The following MTA3 variants were observed in gnomAD, a reference collection of about 807,000 sequenced individuals.
MTA3 encodes the protein metastasis-associated protein MTA3.
Under a neutral mutation model 83.5 loss-of-function variants are expected in MTA3, and 34 were observed. The ratio of observed to expected loss-of-function variants is 0.41; its 90% confidence interval spans 0.31 to 0.54. MTA3 has a LOEUF of 0.54. Ranked by LOEUF, MTA3 falls within the 20% of genes least tolerant of loss-of-function variation. The pLI is 0.33. For synonymous variants in MTA3, 303 were observed against 252.7 expected (o/e 1.20, Z -1.89); for missense variants, 761 against 726.4 (o/e 1.05, Z -0.55).
At chr2:42,742,127 T>C (rs1669081100) in intron 16 of MTA3, among the ~76,000 whole-genome samples, 1 of 120,562 alleles carries the variant, frequency 8.3e-6, no homozygotes, top group Admixed American at 8.6e-5. Context: ...AAGCCATCAC[T>C]TTCTTTCTTT....
chr2:42,640,084 C>G, intron 4 of MTA3, 89 bp from the exon 5 acceptor site: 1 of 915,926 alleles, frequency 1.1e-6, no homozygotes, highest in Middle Eastern at 2.2e-4. Context: ...TTTCTTAATA[C>G]CAGTCTCACA....
upstream of MTA3, among the ~76,000 whole-genome samples, chr2:42,566,734 G>A (rs971887536): frequency 5.3e-5 from 8 of 152,184 alleles, no homozygotes; most frequent in African/African-American, 1.4e-4. Flanking sequence ...GAAAGATTTC[G>A]AAGGAGGAGA....
intron 2 of MTA3, among the ~76,000 whole-genome samples, chr2:42,561,847 G>A (rs1434912574): frequency 6.6e-6 from 1 of 152,148 alleles, no homozygotes; most frequent in Non-Finnish European, 1.5e-5. Flanking sequence ...TTTTCTGGGT[G>A]ACTCTATGTT....
chr2:42,723,105 C>T (rs1667547348), intron 16 of MTA3, 70 bp downstream of exon 16: 6 of 1,458,276 alleles, frequency 4.1e-6, no homozygotes, highest in Non-Finnish European at 5.6e-6. Flanking sequence ...GTGTCTGCCA[C>T]ATCCAAAAAT....
At chr2:42,542,705 C>T (rs140728143) in intron 2 of MTA3, among the ~76,000 whole-genome samples, 2,170 of 152,000 alleles carry the variant, frequency 0.014, 25 homozygotes, top group Non-Finnish European at 0.022. Flanking sequence ...GTGCCTGCCA[C>T]CTCACCCAGC....
intron 3 of MTA3, among the ~76,000 whole-genome samples, chr2:42,605,079 G>A (rs1037993828): frequency 4.0e-5 from 6 of 150,878 alleles, no homozygotes; most frequent in East Asian, 1.9e-4. Flanking sequence ...ATCCTGGCCC[G>A]TTCTCAATGA....
At chr2:42,510,903 C>G (rs1195948730) in intron 2 of MTA3, among the ~76,000 whole-genome samples, 1 of 152,242 alleles carries the variant, frequency 6.6e-6, no homozygotes, top group Admixed American at 6.5e-5. Flanking sequence ...CACTTTCAAA[C>G]TGAATGGAAG....
At chr2:42,724,277 A>AACACACACACACAC (rs34379999) in intron 16 of MTA3, among the ~76,000 whole-genome samples, 2,396 of 73,060 alleles carry the variant, frequency 0.033, 147 homozygotes, top group Non-Finnish European at 0.042. Flanking sequence ...AGTCCTGAAA[A>AACACACACACACAC]ACACACACAC....
At chr2:42,682,199 C>A (rs1411971066) in intron 8 of MTA3, among the ~76,000 whole-genome samples, 1 of 151,948 alleles carries the variant, frequency 6.6e-6, no homozygotes, top group Non-Finnish European at 1.5e-5. Context: ...CCCCTCCCCC[C>A]AAATAAGGGT....
chr2:42,532,210 G>C (rs545072622), intron 2 of MTA3, among the ~76,000 whole-genome samples: 1 of 152,234 alleles, frequency 6.6e-6, no homozygotes, highest in East Asian at 1.9e-4. Flanking sequence ...CAAATATTTC[G>C]TACATAATAT....
chr2:42,547,965 G>A (rs188116699), intron 2 of MTA3, among the ~76,000 whole-genome samples: 21 of 152,298 alleles, frequency 1.4e-4, no homozygotes, highest in African/African-American at 5.1e-4. Flanking sequence ...AAATAAAGAA[G>A]TACGGAGTCC....
intron 16 of MTA3, among the ~76,000 whole-genome samples, chr2:42,745,597 G>A (rs1573836675): frequency 6.6e-6 from 1 of 152,022 alleles, no homozygotes. Context: ...TGTTGCTCAA[G>A]CTGGTCTCGA....
At position 42,701,653 on chromosome 2, in the gene MTA3, C is replaced by T. The variant is rs143057967; in HGVS notation, c.1026-2541C>T. Among the ~76,000 whole-genome samples, 741 of 152,172 alleles carry T rather than the reference C, an allele frequency of 4.9e-3. 4 individuals carry two copies. The highest frequency in any genetic ancestry group is 0.013 in the African/African-American group (522 of 41,518). ...TTTGTTGGCTGGGCACAGTGACTTA[C>T]GCCTGTAATCCCAGCACTTTGGGAG... On this transcript the variant is annotated intron_variant, in intron 11 of 16. Transcript: ENST00000405094.
chr2:42,648,343 A>G (rs1358783404), intron 6 of MTA3, among the ~76,000 whole-genome samples: 1 of 152,236 alleles, frequency 6.6e-6, no homozygotes, highest in Admixed American at 6.5e-5. Context: ...GCTGGAATCC[A>G]TTCTTCCTAA....
At chr2:42,729,086 GTTTTTTT>G (rs1216600680) in intron 16 of MTA3, among the ~76,000 whole-genome samples, 11 of 60,140 alleles carry the variant, frequency 1.8e-4, no homozygotes, top group Non-Finnish European at 3.0e-4. Context: ...CACAGTTTGA[GTTTTTTT>G]TTTTTTTTTT....
intron 2 of MTA3, among the ~76,000 whole-genome samples, chr2:42,540,790 G>A (rs570065220): frequency 3.3e-5 from 5 of 150,712 alleles, no homozygotes; most frequent in South Asian, 2.1e-4. Flanking sequence ...AGCTGTGATC[G>A]TGCTATTGCA....
intron 2 of MTA3, among the ~76,000 whole-genome samples, chr2:42,521,319 A>G (rs1675420599): frequency 6.6e-6 from 1 of 152,160 alleles, no homozygotes; most frequent in Non-Finnish European, 1.5e-5. Flanking sequence ...GCCAACAGCC[A>G]CGTGAGTGAA....
intron 4 of MTA3, among the ~76,000 whole-genome samples, chr2:42,621,605 C>T (rs1215275924): frequency 1.3e-5 from 2 of 152,212 alleles, no homozygotes; most frequent in African/African-American, 4.8e-5. Context: ...TCGACAAAAC[C>T]GCCATCGTCA....
At chr2:42,720,675 T>A (rs538037426) in intron 15 of MTA3, among the ~76,000 whole-genome samples, 76 of 151,918 alleles carry the variant, frequency 5.0e-4, no homozygotes, top group African/African-American at 1.8e-3. Flanking sequence ...AAAAATAGAA[T>A]AGGCCGGGCA....
Sources: gnomAD v4.1 joint callset for allele counts (sites outside exome capture counted in the v4.1 genomes callset) on GRCh38, gnomAD v4.1.1 for gene constraint, MANE v1.5 for transcripts, NCBI Gene and HGNC (gene_info 2026-07-23, HGNC 2026-07-21) for gene names.